The following SPRED1 variants were observed in gnomAD, a reference collection of about 807,000 sequenced individuals.
The protein encoded by SPRED1 is sprouty related EVH1 domain containing 1.
SPRED1 carries 18 observed loss-of-function variants against 52.3 expected under a neutral mutation model. The ratio of observed to expected loss-of-function variants is 0.34; its 90% confidence interval spans 0.24 to 0.51. The LOEUF (loss-of-function observed/expected upper bound fraction) is 0.51, where lower values mean the gene tolerates loss of function less well. Ranked by LOEUF, SPRED1 falls within the 20% of genes least tolerant of loss-of-function variation. SPRED1 has a pLI of 0.97. For missense variants in SPRED1, 485 were observed against 551.0 expected, an observed-to-expected ratio of 0.88 and a Z score of 1.20; for synonymous variants, 155 against 179.7, an observed-to-expected ratio of 0.86 and a Z score of 1.10.
In SPRED1 at chr15:38,322,271, C is replaced by G; in HGVS notation, c.238C>G (p.Leu80Val). 1 of 1,613,684 alleles carries G rather than the reference C, an allele frequency of 6.2e-7. No individual in the cohort carries two copies. Among genetic ancestry groups the G allele is most frequent in the Non-Finnish European group, 8.5e-7 (1 of 1,179,842 alleles). The change falls in exon 3 of 7, where the codon CTC becomes GTC. Residue 80 changes from leucine to valine, a missense_variant. By Grantham distance (32) the Leu-to-Val change is conservative. Transcript: ENST00000299084. ...VVLECMLKKD[L>V]IYNKVTPTFH... The stretch of plus-strand genomic sequence containing the variant: ...TTTGGAATGTATGCTTAAAAAAGAC[C>G]TCATTTATAATAAGGTCACTCCAAC...
rs776073446 is a variant in SPRED1 at position 38,349,463 on chromosome 15, T to C, written c.624T>C (p.Ser208=). 3.7e-6 allele frequency: 6 copies of C among 1,612,802 alleles called. No homozygotes were observed. The East Asian group carries it at 1.3e-4, about 36-fold the overall frequency. The change falls in exon 6 of 7, where the codon AGT becomes AGC. Residue 208 remains serine (S), a synonymous_variant. Transcript: ENST00000299084. ...CAGGCTTGGACATTCAGAGCAGAAG[T>C]ATGGAATACGTACAGCGGCAAATAT... ...GQPGLDIQSR[S]MEYVQRQISK...
At position 38,253,076 on chromosome 15, in the gene SPRED1, C is replaced by A; in HGVS notation, c.-110C>A. 1.1e-6 allele frequency: 1 copy of A among 904,546 alleles called. No homozygotes were observed. The highest frequency in any genetic ancestry group is 1.8e-6 in the Non-Finnish European group (1 of 566,068). 56.0% of individuals were successfully genotyped at this position (904,546 alleles called of 1,614,324 possible). ...CCACCATGGTGAGGCCCCTGTGCCG[C>A]TGCCCCCGCGCCCCCCCGGCCGCCG... On this transcript the variant is annotated 5_prime_UTR_variant, in exon 1 of 7. The change creates a new upstream start codon in the 5' untranslated region. Transcript: ENST00000299084.
intron 1 of SPRED1, among the ~76,000 whole-genome samples, chr15:38,266,894 T>A (rs945433745): frequency 6.6e-6 from 1 of 152,194 alleles, no homozygotes; most frequent in Admixed American, 6.5e-5. Context: ...GAGTCCGAAC[T>A]GTGTTTTGTG....
At chr15:38,335,454 G>T (rs936134399) in intron 4 of SPRED1, among the ~76,000 whole-genome samples, 1 of 152,084 alleles carries the variant, frequency 6.6e-6, no homozygotes, top group African/African-American at 2.4e-5. Flanking sequence ...AGAGGAAATG[G>T]ATGTGAAAGA....
At chr15:38,321,021 TATAG>T (rs1323381297) in intron 2 of SPRED1, among the ~76,000 whole-genome samples, 3 of 152,168 alleles carry the variant, frequency 2.0e-5, no homozygotes, top group Admixed American at 6.6e-5. Flanking sequence ...GAACATGGTC[TATAG>T]ATTAAAGTTC....
chr15:38,319,530 C>G (rs1051544300), intron 2 of SPRED1, among the ~76,000 whole-genome samples: 1 of 152,166 alleles, frequency 6.6e-6, no homozygotes, highest in Admixed American at 6.5e-5. Context: ...CAGGTTCCCA[C>G]CACCACGCCC....
intron 5 of SPRED1, among the ~76,000 whole-genome samples, chr15:38,343,532 A>G (rs2177248): frequency 0.82 from 124,743 of 151,588 alleles, 52,123 homozygotes; most frequent in Non-Finnish European, 0.9. Flanking sequence ...AACGAAATTG[A>G]AACTTGATTA....
chr15:38,267,652 G>A (rs1894338189), intron 1 of SPRED1, among the ~76,000 whole-genome samples: 1 of 152,176 alleles, frequency 6.6e-6, no homozygotes, highest in Non-Finnish European at 1.5e-5. Context: ...ATCATTTCAT[G>A]CATTTAGTCT....
intron 6 of SPRED1, among the ~76,000 whole-genome samples, chr15:38,350,781 G>T (rs1007409378): frequency 3.9e-5 from 6 of 152,146 alleles, no homozygotes; most frequent in Admixed American, 2.6e-4. Flanking sequence ...GGGGAGCTCA[G>T]TCTTAGTTCT....
intron 2 of SPRED1, among the ~76,000 whole-genome samples, chr15:38,304,166 G>A (rs1042364257): frequency 2.0e-5 from 3 of 152,160 alleles, no homozygotes; most frequent in African/African-American, 7.2e-5. Flanking sequence ...TATTAAAAAT[G>A]AGACTCACCC....
intron 5 of SPRED1, among the ~76,000 whole-genome samples, chr15:38,347,987 A>G (rs1395105466): frequency 6.6e-6 from 1 of 152,058 alleles, no homozygotes; most frequent in Non-Finnish European, 1.5e-5. Flanking sequence ...ACTAATATTC[A>G]TAGACCCTGT....
At chr15:38,284,124 T>C (rs1234670379) in intron 1 of SPRED1, among the ~76,000 whole-genome samples, 1 of 152,210 alleles carries the variant, frequency 6.6e-6, no homozygotes, top group Non-Finnish European at 1.5e-5. Flanking sequence ...TTTTTATTTC[T>C]ATAAAACTGA....
At chr15:38,268,677 T>G (rs1223305294) in intron 1 of SPRED1, among the ~76,000 whole-genome samples, 1 of 152,216 alleles carries the variant, frequency 6.6e-6, no homozygotes, top group Admixed American at 6.5e-5. Flanking sequence ...TAATACTGTG[T>G]TATTTGAGCA....
intron 5 of SPRED1, among the ~76,000 whole-genome samples, chr15:38,349,013 CA>C (rs1896198421): frequency 6.6e-6 from 1 of 151,986 alleles, no homozygotes; most frequent in Non-Finnish European, 1.5e-5. Context: ...TATCACTTCC[CA>C]AAAAACCCAC....
chr15:38,332,102 G>A (rs1009745506), intron 4 of SPRED1, among the ~76,000 whole-genome samples: 4 of 152,182 alleles, frequency 2.6e-5, no homozygotes, highest in African/African-American at 7.2e-5. Flanking sequence ...AGAGCACTGT[G>A]TGGATAGACT....
At position 38,351,037 on chromosome 15, in the gene SPRED1, T is replaced by G; in HGVS notation, c.708T>G (p.His236Gln). The change falls in exon 7 of 7, where the codon CAT becomes CAG. Residue 236 changes from histidine to glutamine, a missense_variant. This residue lies in a region of SPRED1 where 232 missense variants were observed against 231.8 expected (regional missense o/e 1.00). Transcript: ENST00000299084. ...QNRVPLKSIRHVSFQDEDEIV... is the reference protein window; with the variant it reads ...QNRVPLKSIRQVSFQDEDEIV... ...AGGTCCCTTTGAAATCAATCAGACA[T>G]GTCAGCTTTCAAGATGAGGATGAGA... 1 of 1,613,648 alleles carries G rather than the reference T, an allele frequency of 6.2e-7. No individual in the cohort carries two copies. The highest frequency in any genetic ancestry group is 1.3e-5 in the African/African-American group (1 of 75,024).
chr15:38,344,969 A>G (rs1346945628), intron 5 of SPRED1, among the ~76,000 whole-genome samples: 3 of 152,222 alleles, frequency 2.0e-5, no homozygotes, highest in Non-Finnish European at 4.4e-5. Context: ...AAGCTGCAGT[A>G]GACTGTAGCT....
intron 5 of SPRED1, among the ~76,000 whole-genome samples, chr15:38,341,726 A>G (rs957243502): frequency 5.3e-5 from 8 of 151,840 alleles, no homozygotes; most frequent in Non-Finnish European, 8.8e-5. Context: ...GTATGACTTC[A>G]TTTTTTTGAT....
At chr15:38,306,149 C>T (rs1208875520) in intron 2 of SPRED1, among the ~76,000 whole-genome samples, 3 of 152,140 alleles carry the variant, frequency 2.0e-5, no homozygotes, top group Non-Finnish European at 4.4e-5. Flanking sequence ...TAATCTGGCC[C>T]TGTCCTCCTT....
Sources: allele counts gnomAD v4.1 joint callset (sites outside exome capture counted in the v4.1 genomes callset), GRCh38; gene constraint gnomAD v4.1.1; regional missense constraint gnomAD v4.1.1; transcripts MANE v1.5; gene names NCBI Gene and HGNC (gene_info 2026-07-23, HGNC 2026-07-21).